MLLT10: variants seen among roughly 807,000 people sequenced by gnomAD.
The protein encoded by MLLT10 is MLLT10 histone lysine methyltransferase DOT1L cofactor.
Under a neutral mutation model 129.1 loss-of-function variants are expected in MLLT10, and 30 were observed. The ratio of observed to expected loss-of-function variants is 0.23; its 90% CI spans 0.17 to 0.32. The LOEUF is 0.32. Ranked by LOEUF, MLLT10 falls within the 10% of genes least tolerant of loss-of-function variation. MLLT10 has a pLI of 1.00. For synonymous variants in MLLT10, 490 were observed against 446.4 expected (o/e 1.10, Z -1.23); for missense variants, 1,119 against 1,268.3 (o/e 0.88, Z 1.79).
chr10:21,695,868 C>T (rs752286474), intron 13 of MLLT10, among the ~76,000 whole-genome samples: 3 of 147,244 alleles, frequency 2.0e-5, no homozygotes, highest in Non-Finnish European at 4.4e-5. Context: ...CTTTTTACCT[C>T]CTATCCAGAG....
At chr10:21,625,006 C>G in intron 8 of MLLT10, 1 of 1,045,346 alleles carries the variant, frequency 9.6e-7, no homozygotes, top group Non-Finnish European at 1.4e-6. Flanking sequence ...ACTGCATAGC[C>G]ACCATCATAG....
intron 8 of MLLT10, among the ~76,000 whole-genome samples, chr10:21,633,761 A>C (rs1589346353): frequency 6.6e-6 from 1 of 152,192 alleles, no homozygotes. Context: ...CACAGTTAGG[A>C]ATGTATCACC....
At chr10:21,611,362 GT>G (rs879746203) in intron 5 of MLLT10, among the ~76,000 whole-genome samples, 165 of 143,486 alleles carry the variant, frequency 1.1e-3, no homozygotes, top group Middle Eastern at 3.6e-3. Context: ...TAGATAATTA[GT>G]TTTTTTTTTT....
chr10:21,600,435 T>C (rs529766246), intron 5 of MLLT10, among the ~76,000 whole-genome samples: 1 of 151,768 alleles, frequency 6.6e-6, no homozygotes, highest in Non-Finnish European at 1.5e-5. Context: ...AATGAAGAGA[T>C]AGACACTAAG....
chr10:21,716,059 T>C (rs2056530059), intron 14 of MLLT10, among the ~76,000 whole-genome samples: 2 of 152,268 alleles, frequency 1.3e-5, no homozygotes, highest in Non-Finnish European at 1.5e-5. Context: ...AACTGAGTGC[T>C]GAACTACTTC....
chr10:21,624,682 C>T (rs761694464), intron 8 of MLLT10: 61 of 1,417,026 alleles, frequency 4.3e-5, no homozygotes, highest in Non-Finnish European at 5.2e-5. Flanking sequence ...CTTGCTGAAG[C>T]GGCTGCTGAG....
At chr10:21,549,291 T>A (rs2036595532) in intron 3 of MLLT10, among the ~76,000 whole-genome samples, 1 of 152,032 alleles carries the variant, frequency 6.6e-6, no homozygotes, top group Non-Finnish European at 1.5e-5. Flanking sequence ...TCCTGGCGAA[T>A]TTTTTGTATT....
intron 3 of MLLT10, among the ~76,000 whole-genome samples, chr10:21,540,772 T>C (rs534648211): frequency 3.9e-5 from 6 of 152,330 alleles, no homozygotes; most frequent in African/African-American, 1.4e-4. Flanking sequence ...ATTATGGAAT[T>C]AGACTGAAGG....
In MLLT10 at chr10:21,673,838, T is replaced by C. The variant is rs1457051177; in HGVS notation, c.1540T>C (p.Ser514Pro). Residue 514 changes from serine to proline, a missense_variant, in exon 11 of 23, where the codon TCT becomes CCT. Physicochemically the swap from Ser to Pro is moderately conservative, Grantham distance 74 (BLOSUM62 -1). Around this residue, in one of 5 missense-constraint regions of MLLT10, gnomAD observed 1,004 missense variants for 1,008.7 expected, o/e 1.00. Coordinates refer to ENST00000307729, the MANE Select transcript of MLLT10 (RefSeq NM_001195626.3). Reference protein sequence around the residue: ...VASAAGSITSSSLQKSPTLLR... With the variant: ...VASAAGSITSPSLQKSPTLLR... ...ATCAGCTGCAGGAAGCATAACAAGC[T>C]CTAGTCTGCAGAAATCTCCTACATT... The C allele has an allele frequency of 6.2e-7, 1 of 1,614,124 alleles. No homozygotes were observed.
chr10:21,611,054 T>G (rs1450733547), intron 5 of MLLT10, among the ~76,000 whole-genome samples: 1 of 144,132 alleles, frequency 6.9e-6, no homozygotes, highest in Non-Finnish European at 1.5e-5. Context: ...TGGAGTGCAA[T>G]GGCATGATCT....
intron 8 of MLLT10, among the ~76,000 whole-genome samples, chr10:21,623,281 C>G (rs1275437892): frequency 6.6e-6 from 1 of 152,200 alleles, no homozygotes; most frequent in Non-Finnish European, 1.5e-5. Flanking sequence ...GGTTCCAAAT[C>G]TCTGATCACA....
At chr10:21,654,549 A>C (rs2049365726) in intron 9 of MLLT10, among the ~76,000 whole-genome samples, 2 of 152,234 alleles carry the variant, frequency 1.3e-5, no homozygotes, top group South Asian at 4.1e-4. Flanking sequence ...ATGGTTAACT[A>C]TAATAATGCA....
intron 15 of MLLT10, among the ~76,000 whole-genome samples, chr10:21,727,155 A>AT (rs1233982149): frequency 4.6e-5 from 7 of 152,308 alleles, no homozygotes; most frequent in African/African-American, 1.7e-4. Flanking sequence ...CTGACTCAGA[A>AT]TAAGGGGAGG....
chr10:21,649,543 G>A (rs368339899), intron 8 of MLLT10, among the ~76,000 whole-genome samples: 10 of 152,158 alleles, frequency 6.6e-5, no homozygotes, highest in African/African-American at 2.2e-4. Context: ...GGTATCTGTC[G>A]GGTTTACTCA....
chr10:21,537,852 G>C (rs961363346), intron 2 of MLLT10, among the ~76,000 whole-genome samples: 22 of 152,080 alleles, frequency 1.4e-4, no homozygotes, highest in African/African-American at 5.1e-4. Context: ...AGTCTACTTG[G>C]TTATTAGTGT....
intron 4 of MLLT10, among the ~76,000 whole-genome samples, chr10:21,590,567 G>C (rs2042398440): frequency 6.6e-6 from 1 of 152,096 alleles, no homozygotes; most frequent in Admixed American, 6.6e-5. Context: ...TTGAACTCCT[G>C]ACCTCAGGTG....
chr10:21,565,825 C>T (rs936061250), intron 3 of MLLT10, among the ~76,000 whole-genome samples: 12 of 151,436 alleles, frequency 7.9e-5, no homozygotes, highest in African/African-American at 2.4e-4. Context: ...AGCCTGGTCT[C>T]GAACTCCTGG....
chr10:21,713,960 T>C lies in MLLT10; in HGVS notation c.1878+10T>C, dbSNP rs765805553. 6.2e-7 allele frequency: 1 copy of C among 1,603,962 alleles called. No homozygotes were observed. Among genetic ancestry groups the C allele is most frequent in the Non-Finnish European group, 8.5e-7 (1 of 1,175,090 alleles). ...TGTTGCTACAACTCAGGTAAGTTGT[T>C]ACACTATCATGTGACAGGTAATAGG... is the stretch of plus-strand genomic sequence containing the variant. On this transcript the variant is annotated intron_variant, in intron 14 of 22. Transcript: ENST00000307729.
At chr10:21,664,709 T>C (rs2050577123) in intron 9 of MLLT10, among the ~76,000 whole-genome samples, 1 of 152,160 alleles carries the variant, frequency 6.6e-6, no homozygotes. Flanking sequence ...TTTTTGCTTG[T>C]TTGTTCTGTC....
Sources: gnomAD v4.1 joint callset for allele counts (sites outside exome capture counted in the v4.1 genomes callset) on GRCh38, gnomAD v4.1.1 for gene constraint, gnomAD v4.1.1 regional missense constraint, MANE v1.5 for transcripts, NCBI Gene and HGNC (gene_info 2026-07-23, HGNC 2026-07-21) for gene names.